SLC25A30: variants seen among roughly 807,000 people sequenced by gnomAD.
SLC25A30 encodes the protein solute carrier family 25 member 30, also known as kidney mitochondrial carrier protein 1.
In SLC25A30, 29 loss-of-function variants were observed where a neutral mutation model predicts 42.7. The ratio of observed to expected loss-of-function variants is 0.68; its 90% CI spans 0.51 to 0.93. SLC25A30 has a LOEUF of 0.93. Ranked by LOEUF, SLC25A30 falls within the 40% of genes least tolerant of loss-of-function variation. The probability of loss-of-function intolerance (pLI) is 0.00; values close to 1 mark genes in which losing one functional copy is unlikely to be tolerated. For missense variants in SLC25A30, 300 were observed against 359.7 expected (o/e 0.83, Z 1.34); for synonymous variants, 124 against 131.0 (o/e 0.95, Z 0.37).
chr13:45,432,514 A>G, the SLC25A30 span, among the ~76,000 whole-genome samples: 2 of 152,146 alleles, frequency 1.3e-5, no homozygotes, highest in Non-Finnish European at 2.9e-5. Flanking sequence ...CACCACATGT[A>G]GGCAAAACCA....
rs893119831 is a variant in SLC25A30, at chr13:45,418,301, T to G, written c.-57A>C. On this transcript the variant is annotated splice_region_variant and 5_prime_UTR_variant, in exon 1 of 10. Coordinates refer to ENST00000519676, the MANE Select transcript of SLC25A30 (RefSeq NM_001010875.4). The stretch of plus-strand genomic sequence containing the variant: ...GAGGAGGCACGGGCCAGGACTTACC[T>G]GGCGGCAGCGGCCCCACACCTCCTC... 8 of 152,186 alleles carry G rather than the reference T, an allele frequency of 5.3e-5. No homozygotes were observed. The highest frequency in any genetic ancestry group is 1.0e-4 in the Non-Finnish European group (7 of 68,084). The allele number at this position is 152,186 out of a possible 1,614,324, so 9.4% of individuals were successfully genotyped here.
intron 1 of SLC25A30, among the ~76,000 whole-genome samples, chr13:45,417,354 C>T (rs1336009070): frequency 2.0e-5 from 3 of 152,190 alleles, no homozygotes; most frequent in Admixed American, 2.0e-4. Flanking sequence ...AGTTTTACTT[C>T]CTGTTCCCTT....
intron 6 of SLC25A30, 151 bp from the exon 7 acceptor site, chr13:45,401,358 A>G (rs759905555): frequency 1.3e-5 from 10 of 769,856 alleles, no homozygotes; most frequent in Middle Eastern, 7.4e-4. Flanking sequence ...AGCGGAAAAG[A>G]TCACAGAGCA....
At chr13:45,428,070 A>G in the SLC25A30 span, among the ~76,000 whole-genome samples, 1 of 151,168 alleles carries the variant, frequency 6.6e-6, no homozygotes, top group African/African-American at 2.4e-5. Flanking sequence ...TCCCATTTTT[A>G]TAGAGAAGTT....
At chr13:45,414,486 G>A (rs1280105661) in intron 1 of SLC25A30, among the ~76,000 whole-genome samples, 2 of 152,044 alleles carry the variant, frequency 1.3e-5, no homozygotes, top group African/African-American at 4.8e-5. Context: ...GCATGGTGGC[G>A]GGTGCCTGTA....
intron 5 of SLC25A30, among the ~76,000 whole-genome samples, chr13:45,403,599 A>G (rs1882206668): frequency 6.6e-6 from 1 of 152,228 alleles, no homozygotes; most frequent in Admixed American, 6.5e-5. Context: ...ATCTAATTGT[A>G]GTAATTAAAT....
At chr13:45,419,737 CT>C (rs1883833132), upstream of SLC25A30, among the ~76,000 whole-genome samples, 1 of 151,556 alleles carries the variant, frequency 6.6e-6, no homozygotes. Context: ...CGAGACCAGC[CT>C]GACCAATATG....
chr13:45,396,605 C>T (rs1353973478), intron 9 of SLC25A30: 3 of 155,946 alleles, frequency 1.9e-5, no homozygotes, highest in African/African-American at 7.2e-5. Context: ...AACCCCATCT[C>T]TACTAAAAAC....
intron 3 of SLC25A30, among the ~76,000 whole-genome samples, chr13:45,407,266 G>A (rs765117414): frequency 5.9e-5 from 9 of 152,136 alleles, no homozygotes; most frequent in Non-Finnish European, 8.8e-5. Flanking sequence ...GGTTGTCATA[G>A]CTGGTGCCTG....
rs1304653487 is a variant in SLC25A30 at position 45,393,341 on chromosome 13, T to C, written c.*2633A>G. ...TTTTTATTATTATATATTACTCCAGTTTATTAAATAAATGAAACAAGGCTT... is the reference window on the plus strand; with the variant it reads ...TTTTTATTATTATATATTACTCCAGCTTATTAAATAAATGAAACAAGGCTT... On this transcript the variant is annotated 3_prime_UTR_variant, in exon 10 of 10. Coordinates refer to ENST00000519676, the MANE Select transcript of SLC25A30 (RefSeq NM_001010875.4). 1.0e-6 allele frequency: 1 copy of C among 966,480 alleles called. No homozygotes were observed. Among genetic ancestry groups the C allele is most frequent in the East Asian group, 1.1e-4 (1 of 8,748 alleles). 59.9% of individuals were successfully genotyped at this position (966,480 alleles called of 1,614,324 possible). A position where few individuals can be genotyped will look rare whatever the true frequency, so the allele number is the denominator to read the frequency against.
chr13:45,401,312 C>T, intron 6 of SLC25A30, 105 bp from the exon 7 acceptor site: 1 of 1,212,242 alleles, frequency 8.2e-7, no homozygotes, highest in Non-Finnish European at 1.2e-6. Flanking sequence ...CAAGGTTTAT[C>T]TTTTCCTCTG....
Position 45,399,005 on chromosome 13 carries a change from T to A in SLC25A30, c.688A>T (p.Asn230Tyr). The A allele has an allele frequency of 6.2e-7, 1 of 1,614,102 alleles. No individual in the cohort carries two copies. ...PVDVVRTRMM[N>Y]QRVLRDGRCS... ...CTGCCATCTCGAAGCACTCTCTGAT[T>A]CATCATACGTGTCCTCACAACATCA... The change falls in exon 8 of 10, where the codon AAT becomes TAT. Residue 230 changes from asparagine to tyrosine, a missense_variant. Physicochemically the swap from Asn to Tyr is moderately radical, Grantham distance 143 (BLOSUM62 -2). Transcript: ENST00000519676.
upstream of SLC25A30, chr13:45,420,372 T>C (rs969977415): frequency 6.6e-6 from 1 of 152,172 alleles, no homozygotes; most frequent in East Asian, 1.9e-4. Context: ...CTTTGAAGTA[T>C]CCCCTGAATT....
At chr13:45,426,632 C>T in the SLC25A30 span, among the ~76,000 whole-genome samples, 1 of 152,018 alleles carries the variant, frequency 6.6e-6, no homozygotes, top group Non-Finnish European at 1.5e-5. Flanking sequence ...AATGGCACAG[C>T]CTATAACAGC....
intron 1 of SLC25A30, among the ~76,000 whole-genome samples, chr13:45,412,672 G>C (rs1488566848): frequency 6.6e-6 from 1 of 152,124 alleles, no homozygotes; most frequent in Admixed American, 6.6e-5. Flanking sequence ...GCCTATTGTG[G>C]GCATTAAGCC....
At chr13:45,412,446 G>T (rs2137686265) in intron 1 of SLC25A30, among the ~76,000 whole-genome samples, 1 of 152,210 alleles carries the variant, frequency 6.6e-6, no homozygotes, top group East Asian at 1.9e-4. Flanking sequence ...ACTTCTCTTA[G>T]CCTTATTACG....
At chr13:45,433,006 C>G in the SLC25A30 span, among the ~76,000 whole-genome samples, 1 of 140,506 alleles carries the variant, frequency 7.1e-6, no homozygotes, top group Non-Finnish European at 1.5e-5. Flanking sequence ...CATTGCACCC[C>G]TGGGCAACAG....
chr13:45,412,595 G>A (rs762333541), intron 1 of SLC25A30, among the ~76,000 whole-genome samples: 9 of 152,106 alleles, frequency 5.9e-5, no homozygotes, highest in Admixed American at 1.3e-4. Flanking sequence ...ACCACAGCAG[G>A]CAACACAACC....
intron 1 of SLC25A30, among the ~76,000 whole-genome samples, chr13:45,415,108 C>T (rs377082753): frequency 1.3e-5 from 2 of 152,130 alleles, no homozygotes; most frequent in South Asian, 2.1e-4. Flanking sequence ...CTCCTTGCTG[C>T]GTTATGAACA....
Sources: gnomAD v4.1 joint callset for allele counts (sites outside exome capture counted in the v4.1 genomes callset) on GRCh38, gnomAD v4.1.1 for gene constraint, MANE v1.5 for transcripts, NCBI Gene and HGNC (gene_info 2026-07-23, HGNC 2026-07-21) for gene names.